The following INSL6 variants were observed in gnomAD, a reference collection of about 807,000 sequenced individuals.
The protein encoded by INSL6 is insulin like 6, also known as insulin-like peptide INSL6.
A neutral mutation model predicts 9.4 loss-of-function variants in INSL6; 16 were observed. That is an observed-to-expected ratio of 1.70 (90% CI 1.15 to 2.59). The LOEUF (loss-of-function observed/expected upper bound fraction) is 2.59, where lower values mean the gene tolerates loss of function less well. Among genes scored for constraint, INSL6 ranks in the 30% most tolerant of loss-of-function variants. INSL6 has a pLI of 0.00. For missense variants in INSL6, 391 were observed against 257.3 expected, an observed-to-expected ratio of 1.52 and a Z score of -3.56; for synonymous variants, 154 against 96.9, an observed-to-expected ratio of 1.59 and a Z score of -3.46.
chr9:5,170,184 C>G (rs548333089), intron 1 of INSL6, among the ~76,000 whole-genome samples: 20 of 152,274 alleles, frequency 1.3e-4, no homozygotes, highest in Middle Eastern at 3.4e-3. Context: ...AACTAGAACT[C>G]AAGATTAAGA....
the INSL6 span, among the ~76,000 whole-genome samples, chr9:5,058,610 A>AT: frequency 2.0e-4 from 30 of 152,096 alleles, no homozygotes; most frequent in Non-Finnish European, 3.8e-4. Flanking sequence ...TCTACTTGTA[A>AT]TTTTTTAGGG....
chr9:5,163,143 A>C (rs1375548749), downstream of INSL6, among the ~76,000 whole-genome samples: 3 of 152,228 alleles, frequency 2.0e-5, no homozygotes, highest in East Asian at 5.8e-4. Context: ...CAGATTGCTG[A>C]CCCCCATACC....
At chr9:5,078,321 A>G in the INSL6 span, 57 of 1,612,086 alleles carry the variant, frequency 3.5e-5, no homozygotes, top group Non-Finnish European at 4.8e-5. Flanking sequence ...AAACACCCTT[A>G]TTCATGGGAA....
At chr9:5,164,449 A>G (rs981248433) in intron 1 of INSL6, among the ~76,000 whole-genome samples, 184 bp from the exon 2 acceptor site, 2 of 152,266 alleles carry the variant, frequency 1.3e-5, no homozygotes, top group African/African-American at 4.8e-5. Flanking sequence ...TTTTCCTATT[A>G]AAAGGCTGTA....
Position 5,164,027 on chromosome 9 carries a change from T to C in INSL6, c.528A>G (p.Glu176=), listed in dbSNP as rs1400706858. The C allele has an allele frequency of 6.2e-7, 1 of 1,613,690 alleles. No homozygotes were observed. The highest frequency in any genetic ancestry group is 2.2e-5 in the East Asian group (1 of 44,802). The part of the protein sequence containing the change: ...HPQRKRRGYS[E]KCCLTGCTKE... Reference sequence around the variant, plus strand: ...TTGTACATCCTGTAAGACAACACTTTTCTGAATATCCTCTGCGTTTTCTTT... The same window carrying C: ...TTGTACATCCTGTAAGACAACACTTCTCTGAATATCCTCTGCGTTTTCTTT... Residue 176 remains glutamate, a synonymous_variant, in exon 2 of 2, where the codon GAA becomes GAG. Coordinates refer to ENST00000381641, the MANE Select transcript of INSL6 (RefSeq NM_007179.3).
the INSL6 span, chr9:5,090,523 C>T: frequency 3.8e-6 from 6 of 1,591,484 alleles, no homozygotes; most frequent in East Asian, 6.8e-5. Flanking sequence ...ACATAAAGAA[C>T]GGATAGATCA....
downstream of INSL6, among the ~76,000 whole-genome samples, chr9:5,159,359 A>AT (rs56260209): frequency 6.7e-6 from 1 of 149,634 alleles, no homozygotes; most frequent in Non-Finnish European, 1.5e-5. Context: ...GTCAGAATGG[A>AT]TTTTTTTTTT....
the INSL6 span, among the ~76,000 whole-genome samples, chr9:5,083,191 G>A: frequency 2.1e-5 from 3 of 144,938 alleles, no homozygotes; most frequent in Admixed American, 6.8e-5. Context: ...TCTGCCTTTA[G>A]TTATCTCAGG....
At chr9:4,998,256 T>A in the INSL6 span, among the ~76,000 whole-genome samples, 1 of 151,896 alleles carries the variant, frequency 6.6e-6, no homozygotes, top group Non-Finnish European at 1.5e-5. Flanking sequence ...CTCCAACGGG[T>A]TTTTTTGTTG....
chr9:5,079,858 A>G, the INSL6 span, among the ~76,000 whole-genome samples: 1 of 151,952 alleles, frequency 6.6e-6, no homozygotes, highest in Non-Finnish European at 1.5e-5. Context: ...AAACTAATGG[A>G]AAGAGGTTGA....
chr9:5,137,386 G>T (rs553785069), intron 2 of INSL6, among the ~76,000 whole-genome samples: 48 of 152,314 alleles, frequency 3.2e-4, no homozygotes, highest in Non-Finnish European at 5.0e-4. Flanking sequence ...CAAGGCTATA[G>T]TAACAAAACA....
At chr9:5,080,205 T>C in the INSL6 span, 16 of 1,571,918 alleles carry the variant, frequency 1.0e-5, no homozygotes, top group East Asian at 2.9e-4. Flanking sequence ...TATTTAACCC[T>C]ACTCTGTTCG....
chr9:5,055,875 C>G, the INSL6 span: 19 of 1,224,460 alleles, frequency 1.6e-5, no homozygotes, highest in Non-Finnish European at 1.9e-5. Flanking sequence ...AAATTATTTT[C>G]TGGTAGGAAT....
chr9:5,147,120 G>A (rs931061138), intron 2 of INSL6, among the ~76,000 whole-genome samples: 7 of 152,170 alleles, frequency 4.6e-5, no homozygotes, highest in African/African-American at 1.2e-4. Flanking sequence ...TGCTCCTGCA[G>A]CACATCAGTT....
the INSL6 span, chr9:5,085,201 T>C: frequency 3.0e-6 from 2 of 661,972 alleles, no homozygotes; most frequent in South Asian, 2.7e-5. Context: ...GATCATAGCA[T>C]TCATTTCTGG....
the INSL6 span, among the ~76,000 whole-genome samples, chr9:5,001,549 G>A: frequency 6.6e-6 from 1 of 151,908 alleles, no homozygotes; most frequent in Admixed American, 6.6e-5. Flanking sequence ...CTTGGTGATG[G>A]TGTTCTGACC....
At chr9:5,041,352 A>T in the INSL6 span, 1 of 642,456 alleles carries the variant, frequency 1.6e-6, no homozygotes, top group Admixed American at 2.4e-5. Flanking sequence ...ACGGCGTGCT[A>T]CATGAGCATC....
chr9:5,007,297 G>A, the INSL6 span, among the ~76,000 whole-genome samples: 241 of 152,076 alleles, frequency 1.6e-3, 2 homozygotes, highest in East Asian at 0.022. Context: ...TTTCATTATT[G>A]ATTCAAAGTA....
At chr9:5,078,900 G>C in the INSL6 span, among the ~76,000 whole-genome samples, 1 of 152,040 alleles carries the variant, frequency 6.6e-6, no homozygotes, top group Non-Finnish European at 1.5e-5. Context: ...ATTTGTGTTT[G>C]TTCATCTTTA....
Sources: gnomAD v4.1 joint callset for allele counts (sites outside exome capture counted in the v4.1 genomes callset) on GRCh38, gnomAD v4.1.1 for gene constraint, MANE v1.5 for transcripts, NCBI Gene and HGNC (gene_info 2026-07-23, HGNC 2026-07-21) for gene names.